Variants in IL1RN observed in about 807,000 individuals in gnomAD.
The protein encoded by IL1RN is interleukin-1 receptor antagonist protein.
Under a neutral mutation model 13.7 loss-of-function variants are expected in IL1RN, and 10 were observed. The ratio of observed to expected loss-of-function variants is 0.73; its 90% CI spans 0.45 to 1.24. The LOEUF is 1.24. Ranked by LOEUF, IL1RN falls within the 50% of genes most tolerant of loss-of-function variation. IL1RN has a pLI of 0.00. For synonymous variants in IL1RN, 102 were observed against 82.7 expected (o/e 1.23, Z -1.27); for missense variants, 213 against 222.1 (o/e 0.96, Z 0.26).
upstream of IL1RN, among the ~76,000 whole-genome samples, chr2:113,125,901 T>C (rs1686938839): frequency 6.6e-6 from 1 of 152,176 alleles, no homozygotes; most frequent in Non-Finnish European, 1.5e-5. Flanking sequence ...TGGGTTCAAG[T>C]GATCCTCCTG....
upstream of IL1RN, among the ~76,000 whole-genome samples, chr2:113,124,861 G>T (rs1231167637): frequency 6.6e-6 from 1 of 152,114 alleles, no homozygotes; most frequent in Non-Finnish European, 1.5e-5. Flanking sequence ...GACAGACTGG[G>T]CCACTTCTCA....
At chr2:113,114,014 TAAGTA>T (rs1239822446), upstream of IL1RN, among the ~76,000 whole-genome samples, 7 of 152,214 alleles carry the variant, frequency 4.6e-5, no homozygotes, top group Non-Finnish European at 1.0e-4. Context: ...TGGAATTATT[TAAGTA>T]AGGCTTTGGT....
At chr2:113,108,086 T>C (rs544158517), upstream of IL1RN, among the ~76,000 whole-genome samples, 79 of 152,340 alleles carry the variant, frequency 5.2e-4, 1 homozygote, top group South Asian at 0.016. Context: ...TCAGAAGTCT[T>C]ACTGGGCTAA....
At chr2:113,105,906 T>G (rs1242958922), upstream of IL1RN, among the ~76,000 whole-genome samples, 1 of 152,232 alleles carries the variant, frequency 6.6e-6, no homozygotes, top group African/African-American at 2.4e-5. Context: ...ATGAGTAATC[T>G]TTTCATGACT....
intron 1 of IL1RN, 106 bp from the exon 2 acceptor site, chr2:113,129,470 G>C (rs1687081313): frequency 2.6e-6 from 2 of 782,494 alleles, no homozygotes; most frequent in African/African-American, 1.7e-5. Context: ...ACCCCTGGAA[G>C]AGCTGGATGC....
At chr2:113,116,934 AGTG>A (rs2104431293), upstream of IL1RN, among the ~76,000 whole-genome samples, 1 of 152,346 alleles carries the variant, frequency 6.6e-6, no homozygotes, top group African/African-American at 2.4e-5. Context: ...GAAGGGCAGA[AGTG>A]GTGTGCCCAC....
chr2:113,132,635 T>C (rs1426181118), intron 3 of IL1RN, 21 bp from the exon 4 acceptor site: 1 of 1,610,922 alleles, frequency 6.2e-7, no homozygotes, highest in African/African-American at 1.3e-5. Context: ...AGCTCTCACC[T>C]GCCCATCTTT....
chr2:113,099,723 C>CTTTT, the IL1RN span, among the ~76,000 whole-genome samples: 425 of 72,164 alleles, frequency 5.9e-3, 21 homozygotes, highest in Non-Finnish European at 8.5e-3. Context: ...CCTCTTCTTT[C>CTTTT]TTTTCTTTTT....
intron 2 of IL1RN, chr2:113,120,274 C>T: frequency 2.7e-6 from 2 of 738,766 alleles, no homozygotes; most frequent in South Asian, 1.5e-5. Context: ...ACTAATATAT[C>T]TGCAATGGTT....
In IL1RN at chr2:113,129,647, C is replaced by A; in HGVS notation, c.188C>A (p.Pro63Gln). ...NQLVAGYLQG[P>Q]NVNLEEKIDV... The stretch of plus-strand genomic sequence containing the variant: ...CTAGTTGCTGGATACTTGCAAGGAC[C>A]AAATGTCAATTTAGAAGGTGAGTGG... The change falls in exon 2 of 4, where the codon CCA becomes CAA. Residue 63 changes from proline (P) to glutamine (Q), a missense_variant. Transcript: ENST00000409930. 6.2e-7 allele frequency: 1 copy of A among 1,610,280 alleles called. No homozygotes were observed. The highest frequency in any genetic ancestry group is 8.5e-7 in the Non-Finnish European group (1 of 1,176,428).
At chr2:113,126,557 T>C (rs1686968807), upstream of IL1RN, among the ~76,000 whole-genome samples, 1 of 152,190 alleles carries the variant, frequency 6.6e-6, no homozygotes, top group Admixed American at 6.5e-5. Flanking sequence ...AGGAGCATGC[T>C]TACCTTTTTC....
At chr2:113,102,698 G>T (rs1462341398), upstream of IL1RN, among the ~76,000 whole-genome samples, 1 of 152,060 alleles carries the variant, frequency 6.6e-6, no homozygotes, top group Non-Finnish European at 1.5e-5. Flanking sequence ...ACAGTCAAAG[G>T]GGGTTTCTCT....
At chr2:113,129,338 G>A (rs1011323647) in intron 1 of IL1RN, among the ~76,000 whole-genome samples, 4 of 152,208 alleles carry the variant, frequency 2.6e-5, no homozygotes, top group African/African-American at 7.2e-5. Context: ...TGGGAAGCAA[G>A]TAAGGAGGGG....
At chr2:113,117,650 G>A (rs1045233454), upstream of IL1RN, 11 of 417,332 alleles carry the variant, frequency 2.6e-5, no homozygotes, top group African/African-American at 9.8e-5. Context: ...ATGAGCTGGC[G>A]GCAGTCGGGG....
At chr2:113,119,992 C>G in intron 1 of IL1RN, 1 of 1,175,372 alleles carries the variant, frequency 8.5e-7, no homozygotes, top group Non-Finnish European at 1.3e-6. Flanking sequence ...TTTGTGTTAC[C>G]TTGGACAAGT....
intron 1 of IL1RN, among the ~76,000 whole-genome samples, chr2:113,119,236 C>T (rs1210885707): frequency 6.6e-6 from 1 of 152,142 alleles, no homozygotes; most frequent in African/African-American, 2.4e-5. Context: ...ACGTTACAAG[C>T]TAGGCGCCTT....
intron 3 of IL1RN, among the ~76,000 whole-genome samples, chr2:113,132,443 G>T (rs1169555511): frequency 6.6e-6 from 1 of 152,144 alleles, no homozygotes; most frequent in Non-Finnish European, 1.5e-5. Context: ...GCAAGACTCC[G>T]TCTCGGGAAA....
In IL1RN at chr2:113,127,695, T is replaced by A; in HGVS notation, c.71T>A (p.Ile24Asn). ...LLLFLFHSETICRPSGRKSSK... is the reference protein window; with the variant it reads ...LLLFLFHSETNCRPSGRKSSK... ...CTCTTCCTGTTCCATTCAGAGACGA[T>A]CTGCCGACCCTCTGGGAGAAAATCC... The change falls in exon 1 of 4, where the codon ATC (isoleucine) becomes AAC (asparagine). Residue 24 changes from isoleucine (I) to asparagine (N), a missense_variant. By Grantham distance (149) the Ile-to-Asn change is moderately radical (BLOSUM62 -3). Transcript: ENST00000409930. 6.2e-7 allele frequency: 1 copy of A among 1,614,134 alleles called. No individual in the cohort carries two copies. The highest frequency in any genetic ancestry group is 8.5e-7 in the Non-Finnish European group (1 of 1,180,026).
At chr2:113,125,590 C>A (rs1686927721), upstream of IL1RN, among the ~76,000 whole-genome samples, 1 of 152,300 alleles carries the variant, frequency 6.6e-6, no homozygotes, top group Admixed American at 6.5e-5. Flanking sequence ...AGTCTTCCTC[C>A]TTTGAAGGAT....
Sources: gnomAD v4.1 joint callset for allele counts (sites outside exome capture counted in the v4.1 genomes callset) on GRCh38, gnomAD v4.1.1 for gene constraint, MANE v1.5 for transcripts, NCBI Gene and HGNC (gene_info 2026-07-23, HGNC 2026-07-21) for gene names.